EYS: variants seen among roughly 807,000 people sequenced by gnomAD.
EYS encodes the protein EGF-like photoreceptor maintenance factor, also known as protein eyes shut homolog.
In EYS, 250 loss-of-function variants were observed where a neutral mutation model predicts 282.1. That is an observed-to-expected ratio of 0.89 (90% CI 0.80 to 0.98). The LOEUF is 0.98. Among genes scored for constraint, EYS ranks in the 50% least tolerant of loss-of-function variants. The pLI is 0.00. For missense variants in EYS, 4,016 were observed against 3,709.0 expected (o/e 1.08, Z -2.15); for synonymous variants, 1,355 against 1,282.9 (o/e 1.06, Z -1.20).
intron 26 of EYS, among the ~76,000 whole-genome samples, chr6:64,516,131 A>T (rs1428279319): frequency 6.6e-6 from 1 of 151,828 alleles, no homozygotes; most frequent in Non-Finnish European, 1.5e-5. Flanking sequence ...ATGGACACAT[A>T]GAGGGGGAAC....
chr6:64,356,134 C>T (rs900660058), intron 29 of EYS, among the ~76,000 whole-genome samples: 4 of 151,426 alleles, frequency 2.6e-5, no homozygotes, highest in Non-Finnish European at 5.9e-5. Context: ...ATGTGGGGGG[C>T]TTGGAATTAC....
At chr6:64,332,625 C>T (rs935123723) in intron 29 of EYS, among the ~76,000 whole-genome samples, 13 of 152,130 alleles carry the variant, frequency 8.5e-5, no homozygotes, top group African/African-American at 2.2e-4. Flanking sequence ...CCACCTGACA[C>T]GGCTGATCCT....
intron 33 of EYS, among the ~76,000 whole-genome samples, chr6:64,007,469 T>G (rs1010086546): frequency 1.3e-5 from 2 of 151,952 alleles, no homozygotes; most frequent in Non-Finnish European, 2.9e-5. Context: ...CTTTTGTGTG[T>G]TTTTTTACAT....
At chr6:64,699,845 C>T (rs1346158481) in intron 22 of EYS, among the ~76,000 whole-genome samples, 3 of 151,952 alleles carry the variant, frequency 2.0e-5, no homozygotes, top group Non-Finnish European at 4.4e-5. Flanking sequence ...ACCCATTTTA[C>T]AAACCCAGTA....
At chr6:64,693,753 A>C (rs1583049198) in intron 22 of EYS, among the ~76,000 whole-genome samples, 1 of 152,236 alleles carries the variant, frequency 6.6e-6, no homozygotes, top group East Asian at 1.9e-4. Flanking sequence ...TAATTTTTTT[A>C]AAAAATCAAT....
intron 31 of EYS, among the ~76,000 whole-genome samples, chr6:64,128,769 TTC>T (rs1266538662): frequency 6.6e-6 from 1 of 152,206 alleles, no homozygotes; most frequent in African/African-American, 2.4e-5. Flanking sequence ...ATTGCATGCC[TTC>T]TAAGCAATAA....
intron 22 of EYS, among the ~76,000 whole-genome samples, chr6:64,731,222 A>G (rs898576074): frequency 2.0e-5 from 3 of 152,194 alleles, no homozygotes; most frequent in Admixed American, 1.3e-4. Context: ...GGCATGGGCA[A>G]AGACTACATG....
chr6:65,240,696 T>A (rs1321927), intron 12 of EYS, among the ~76,000 whole-genome samples: 24,333 of 152,222 alleles, frequency 0.16, 2,325 homozygotes, highest in South Asian at 0.28. Context: ...AATGGGTATC[T>A]AGGTTGATTC....
At chr6:64,920,332 TAA>T (rs1358423212) in intron 15 of EYS, among the ~76,000 whole-genome samples, 2 of 152,166 alleles carry the variant, frequency 1.3e-5, no homozygotes, top group Non-Finnish European at 2.9e-5. Context: ...ACTAGTGTTA[TAA>T]ACATGAGTAA....
intron 2 of EYS, among the ~76,000 whole-genome samples, chr6:65,533,316 G>C (rs1348288907): frequency 6.6e-6 from 1 of 152,016 alleles, no homozygotes; most frequent in East Asian, 1.9e-4. Context: ...ACCAATAACA[G>C]GTTCTGAAAT....
chr6:64,761,770 C>A (rs1773167885), intron 22 of EYS, among the ~76,000 whole-genome samples: 1 of 152,134 alleles, frequency 6.6e-6, no homozygotes, highest in Non-Finnish European at 1.5e-5. Context: ...GTATTAAATT[C>A]TTCGAGGACT....
intron 26 of EYS, among the ~76,000 whole-genome samples, chr6:64,478,021 T>C (rs2150497291): frequency 6.6e-6 from 1 of 152,190 alleles, no homozygotes; most frequent in South Asian, 2.1e-4. Flanking sequence ...CTATGTACCA[T>C]TATTATGAAC....
At chr6:65,507,184 T>C (rs1766691356) in intron 2 of EYS, among the ~76,000 whole-genome samples, 1 of 151,852 alleles carries the variant, frequency 6.6e-6, no homozygotes, top group Non-Finnish European at 1.5e-5. Flanking sequence ...TAAAGTATCA[T>C]TTTACTAGGT....
At chr6:65,638,486 C>T (rs12195141) in intron 2 of EYS, among the ~76,000 whole-genome samples, 53,034 of 152,128 alleles carry the variant, frequency 0.35, 11,643 homozygotes, top group Non-Finnish European at 0.48. Context: ...AGGGGCTCCC[C>T]GAGCCAGGGC....
chr6:65,248,808 A>T (rs936028436), intron 12 of EYS, among the ~76,000 whole-genome samples: 3 of 152,018 alleles, frequency 2.0e-5, no homozygotes, highest in Admixed American at 6.6e-5. Context: ...TTATCTAAAC[A>T]TAAGAAAACA....
chr6:64,651,270 T>C (rs1768548663), intron 22 of EYS, among the ~76,000 whole-genome samples: 1 of 152,224 alleles, frequency 6.6e-6, no homozygotes, highest in Admixed American at 6.5e-5. Flanking sequence ...AGAAAGATGT[T>C]ATTTTAAGAA....
chr6:65,279,313 A>G (rs553959563), intron 12 of EYS, among the ~76,000 whole-genome samples: 1 of 151,676 alleles, frequency 6.6e-6, no homozygotes, highest in Admixed American at 6.6e-5. Flanking sequence ...TATTTCCCTT[A>G]TTTTTTCTAG....
rs921419442 is a variant in EYS at position 64,849,041 on chromosome 6, C to G, written c.2993-26219G>C. Among the ~76,000 whole-genome samples, 3 of 152,090 alleles carry G rather than the reference C, an allele frequency of 2.0e-5. No homozygotes were observed. In the East Asian group the frequency reaches 5.8e-4, roughly 29 times the overall value. The stretch of plus-strand genomic sequence containing the variant: ...TTAAAATAATCCCTAAATAATCCCT[C>G]CACACTATTCTATTTTCATTTACCA... On this transcript the variant is annotated intron_variant, in intron 19 of 42. Transcript: ENST00000503581.
chr6:64,023,183 A>G (rs1440657621), intron 33 of EYS, among the ~76,000 whole-genome samples: 1 of 152,254 alleles, frequency 6.6e-6, no homozygotes, highest in Admixed American at 6.5e-5. Context: ...AGCAAGTATC[A>G]GAACTTCATT....
Sources: allele counts gnomAD v4.1 joint callset (sites outside exome capture counted in the v4.1 genomes callset), GRCh38; gene constraint gnomAD v4.1.1; transcripts MANE v1.5; gene names NCBI Gene and HGNC (gene_info 2026-07-23, HGNC 2026-07-21).